The following CCDC141 variants were observed in gnomAD, a reference collection of about 807,000 sequenced individuals.
CCDC141 encodes the protein coiled-coil domain-containing protein 141.
In CCDC141, 168 loss-of-function variants were observed where a neutral mutation model predicts 181.0. The observed-to-expected ratio is 0.93, with a 90% CI of 0.82 to 1.05. The LOEUF is 1.05. Ranked by LOEUF, CCDC141 falls within the 50% of genes least tolerant of loss-of-function variation. The pLI is 0.00. For missense variants in CCDC141, 1,902 were observed against 1,788.5 expected (o/e 1.06, Z -1.14); for synonymous variants, 666 against 642.3 (o/e 1.04, Z -0.56).
rs1030163504 is a variant in CCDC141 at position 178,905,416 on chromosome 2, T to G, written c.1178A>C (p.His393Pro). Residue 393 changes from histidine (H) to proline (P), a missense_variant, in exon 8 of 24, where the codon CAT becomes CCT. Transcript: ENST00000443758. ...GLSLAVLAVR[H>P]EELHRKIKDC... ...TTTAATTTTTCTGTGTAATTCCTCA[T>G]GCCTCACTGCCAAAACAGCCAGACT... 1 of 1,550,974 alleles carries G rather than the reference T, an allele frequency of 6.4e-7. No homozygotes were observed. The highest frequency in any genetic ancestry group is 2.4e-5 in the East Asian group (1 of 40,910).
intron 8 of CCDC141, among the ~76,000 whole-genome samples, chr2:178,898,730 G>A (rs1034836454): frequency 2.0e-5 from 3 of 152,006 alleles, no homozygotes; most frequent in Admixed American, 1.3e-4. Context: ...AGTGATTACC[G>A]AACAATAATG....
At chr2:178,989,479 A>T (rs904131217) in intron 2 of CCDC141, among the ~76,000 whole-genome samples, 3 of 151,726 alleles carry the variant, frequency 2.0e-5, no homozygotes, top group African/African-American at 7.3e-5. Flanking sequence ...CTGTAATCCT[A>T]GTTACTCAGG....
intron 23 of CCDC141, 179 bp downstream of exon 23, chr2:178,836,715 T>C: frequency 3.2e-6 from 2 of 627,350 alleles, no homozygotes; most frequent in South Asian, 4.5e-5. Flanking sequence ...TTCTTAAAGG[T>C]ATTAACTATG....
In CCDC141 at chr2:178,927,812, GGA is replaced by G. The variant is rs1439899381; in HGVS notation, c.898-8907_898-8906del. Among the ~76,000 whole-genome samples, 9 of 152,260 alleles carry G rather than the reference GGA, an allele frequency of 5.9e-5. No homozygotes were observed. In the South Asian group the frequency reaches 1.7e-3, roughly 28 times the overall value. On this transcript the variant is annotated intron_variant, in intron 6 of 23. Transcript: ENST00000443758. ...TAGGATCCATTTCTCCCAGAAATGA[GGA>G]GAAAGAGAAGTAAAAGAGAGAAGCA...
intron 6 of CCDC141, among the ~76,000 whole-genome samples, chr2:178,927,439 T>C (rs1575227927): frequency 6.6e-6 from 1 of 152,064 alleles, no homozygotes; most frequent in East Asian, 1.9e-4. Flanking sequence ...GGATTTCAGC[T>C]GGTGAGCGTA....
At chr2:178,818,120 C>A in the CCDC141 span, among the ~76,000 whole-genome samples, 1 of 152,068 alleles carries the variant, frequency 6.6e-6, no homozygotes, top group Non-Finnish European at 1.5e-5. Context: ...GCAATATTTT[C>A]AATGTGTTCG....
At chr2:178,931,993 C>T (rs1293194431) in intron 6 of CCDC141, among the ~76,000 whole-genome samples, 1 of 151,860 alleles carries the variant, frequency 6.6e-6, no homozygotes, top group Non-Finnish European at 1.5e-5. Flanking sequence ...TGATGAAACC[C>T]CGTCTCTACT....
chr2:178,850,572 T>C (rs1685120407), intron 20 of CCDC141, among the ~76,000 whole-genome samples: 1 of 34,812 alleles, frequency 2.9e-5, no homozygotes, highest in Non-Finnish European at 6.3e-5. Context: ...TCTCCTGTAT[T>C]TTATCTCCAG....
intron 8 of CCDC141, among the ~76,000 whole-genome samples, chr2:178,891,358 A>G (rs1309670751): frequency 6.6e-6 from 1 of 152,158 alleles, no homozygotes; most frequent in Non-Finnish European, 1.5e-5. Flanking sequence ...AGACAGTCTC[A>G]GTAACTGGCC....
intron 7 of CCDC141, among the ~76,000 whole-genome samples, chr2:178,915,563 T>C (rs1273842948): frequency 6.6e-6 from 1 of 152,218 alleles, no homozygotes; most frequent in Non-Finnish European, 1.5e-5. Flanking sequence ...TAATTCCACT[T>C]TTCAAGAATG....
intron 7 of CCDC141, among the ~76,000 whole-genome samples, chr2:178,915,375 T>C (rs1688400221): frequency 6.6e-6 from 1 of 152,216 alleles, no homozygotes; most frequent in Non-Finnish European, 1.5e-5. Flanking sequence ...AAAAAGTATA[T>C]TTAAAAAATC....
chr2:178,903,892 T>C (rs1053003909), intron 8 of CCDC141, among the ~76,000 whole-genome samples: 2 of 152,144 alleles, frequency 1.3e-5, no homozygotes, highest in Non-Finnish European at 2.9e-5. Flanking sequence ...AAACTGTGAC[T>C]GGACCATTTT....
chr2:178,973,366 TA>T (rs1310283419), intron 4 of CCDC141, among the ~76,000 whole-genome samples: 5 of 152,174 alleles, frequency 3.3e-5, no homozygotes, highest in African/African-American at 1.2e-4. Context: ...GATGGAAGAA[TA>T]TTTTTTCATC....
At chr2:178,911,757 T>A (rs536099543) in intron 7 of CCDC141, among the ~76,000 whole-genome samples, 1 of 152,172 alleles carries the variant, frequency 6.6e-6, no homozygotes, top group Admixed American at 6.5e-5. Context: ...ACAAAGAAGA[T>A]TAGGACACAA....
chr2:178,877,617 T>TTA (rs1173591938), intron 12 of CCDC141: 2 of 308,190 alleles, frequency 6.5e-6, no homozygotes, highest in Non-Finnish European at 5.9e-6. Flanking sequence ...GAAGTTGTCT[T>TTA]TAGCCCCTAG....
At position 178,832,628 on chromosome 2, in the gene CCDC141, G is replaced by A. The variant is rs570799739; in HGVS notation, c.*1545C>T. ...GGATATGCAGCCCAAGAAAGTATAC[G>A]CCAACTTTTTACTTGACTACACATT... is the stretch of plus-strand genomic sequence containing the variant. On this transcript the variant is annotated 3_prime_UTR_variant, in exon 24 of 24. Coordinates refer to ENST00000443758, the MANE Select transcript of CCDC141 (RefSeq NM_173648.4). 39 of 151,936 alleles carry A rather than the reference G, an allele frequency of 2.6e-4. No individual in the cohort carries two copies. The highest frequency in any genetic ancestry group is 1.5e-3 in the South Asian group (7 of 4,806). The allele number at this position is 151,936 out of a possible 1,614,324, so 9.4% of individuals were successfully genotyped here.
intron 2 of CCDC141, among the ~76,000 whole-genome samples, chr2:179,015,893 CATATATGTATCATATATATCTCAT>C (rs1368930303): frequency 7.7e-6 from 1 of 129,036 alleles, no homozygotes; most frequent in African/African-American, 3.3e-5. Context: ...ATATATATCT[CATATATGTATCATATATATCTCAT>C]ATATATCATA....
At chr2:179,030,120 C>A (rs1158572055) in intron 2 of CCDC141, among the ~76,000 whole-genome samples, 1 of 152,094 alleles carries the variant, frequency 6.6e-6, no homozygotes, top group East Asian at 1.9e-4. Flanking sequence ...TATATCTCCC[C>A]CTTTGCTTGT....
chr2:178,840,625 G>A (rs568058497), intron 22 of CCDC141, among the ~76,000 whole-genome samples: 1 of 152,296 alleles, frequency 6.6e-6, no homozygotes, highest in East Asian at 1.9e-4. Flanking sequence ...CCCCGGAGGT[G>A]AAGTCTGTGG....
Sources: allele counts gnomAD v4.1 joint callset (sites outside exome capture counted in the v4.1 genomes callset), GRCh38; gene constraint gnomAD v4.1.1; transcripts MANE v1.5; gene names NCBI Gene and HGNC (gene_info 2026-07-23, HGNC 2026-07-21).